The following FHIT variants were observed in gnomAD, a reference collection of about 807,000 sequenced individuals.
The protein encoded by FHIT is fragile histidine triad diadenosine triphosphatase.
A neutral mutation model predicts 17.9 loss-of-function variants in FHIT; 19 were observed. That is an observed-to-expected ratio of 1.06 (90% CI 0.74 to 1.56). The LOEUF (loss-of-function observed/expected upper bound fraction) is 1.56, where lower values mean the gene tolerates loss of function less well. Ranked by LOEUF, FHIT falls within the 40% of genes most tolerant of loss-of-function variation. The pLI is 0.00. For synonymous variants in FHIT, 81 were observed against 69.7 expected (o/e 1.16, Z -0.81); for missense variants, 248 against 189.2 (o/e 1.31, Z -1.82).
intron 5 of FHIT, among the ~76,000 whole-genome samples, chr3:60,440,651 A>G (rs539151993): frequency 6.6e-6 from 1 of 152,224 alleles, no homozygotes; most frequent in African/African-American, 2.4e-5. Flanking sequence ...TCCAAACTAT[A>G]TAACCCAAAG....
chr3:61,001,836 T>C (rs1208601039), intron 3 of FHIT, among the ~76,000 whole-genome samples: 1 of 152,200 alleles, frequency 6.6e-6, no homozygotes, highest in East Asian at 1.9e-4. Flanking sequence ...TCAATCTAAA[T>C]AAGCTCTATG....
chr3:59,927,490 G>A (rs1404748963), intron 7 of FHIT, among the ~76,000 whole-genome samples: 2 of 147,050 alleles, frequency 1.4e-5, no homozygotes, highest in South Asian at 2.2e-4. Context: ...ACTGAAGGCC[G>A]GGTGCTGTGG....
chr3:60,790,172 T>C (rs1700725188), intron 4 of FHIT, among the ~76,000 whole-genome samples: 1 of 152,184 alleles, frequency 6.6e-6, no homozygotes, highest in South Asian at 2.1e-4. Context: ...TTATTAATAT[T>C]TTGTATTCAT....
At chr3:60,734,284 T>C (rs781955838) in intron 4 of FHIT, among the ~76,000 whole-genome samples, 50 of 152,318 alleles carry the variant, frequency 3.3e-4, no homozygotes, top group Middle Eastern at 6.8e-3. Flanking sequence ...TATTAAGAAA[T>C]AGAGTTGGCA....
chr3:59,830,359 G>A (rs1427093238), intron 8 of FHIT, among the ~76,000 whole-genome samples: 1 of 152,150 alleles, frequency 6.6e-6, no homozygotes, highest in African/African-American at 2.4e-5. Flanking sequence ...TGGGATAAAA[G>A]CCAGGAATAA....
intron 3 of FHIT, among the ~76,000 whole-genome samples, chr3:60,951,852 C>G (rs1168761329): frequency 6.6e-6 from 1 of 152,054 alleles, no homozygotes; most frequent in African/African-American, 2.4e-5. Flanking sequence ...GGAAAGGTCT[C>G]TTTGAGTGGG....
chr3:60,812,516 TA>T (rs1309352565), intron 4 of FHIT, among the ~76,000 whole-genome samples: 1 of 152,160 alleles, frequency 6.6e-6, no homozygotes, highest in African/African-American at 2.4e-5. Context: ...TAATAATTTA[TA>T]CTTCAGGGTA....
At chr3:60,223,953 G>A (rs7619137) in intron 5 of FHIT, among the ~76,000 whole-genome samples, 5,173 of 152,156 alleles carry the variant, frequency 0.034, 266 homozygotes, top group African/African-American at 0.11. Flanking sequence ...CTTGGTCGTG[G>A]TGCTTGATCC....
intron 4 of FHIT, among the ~76,000 whole-genome samples, chr3:60,544,600 T>TG (rs1454243614): frequency 6.1e-4 from 90 of 147,812 alleles, no homozygotes; most frequent in African/African-American, 2.2e-3. Flanking sequence ...CAACCTATTT[T>TG]TTTTTTTTTT....
chr3:60,509,833 G>A (rs1235668018), intron 5 of FHIT, among the ~76,000 whole-genome samples: 20 of 152,164 alleles, frequency 1.3e-4, no homozygotes, highest in Non-Finnish European at 8.8e-5. Flanking sequence ...TCTTTCTAAG[G>A]AATAGGAAGA....
At chr3:60,243,061 A>T (rs1705216308) in intron 5 of FHIT, among the ~76,000 whole-genome samples, 1 of 150,622 alleles carries the variant, frequency 6.6e-6, no homozygotes, top group South Asian at 2.1e-4. Context: ...TCAGTCCAAA[A>T]CTAAAAAAAA....
At chr3:59,939,226 C>G (rs1215512505) in intron 7 of FHIT, among the ~76,000 whole-genome samples, 2 of 152,014 alleles carry the variant, frequency 1.3e-5, no homozygotes, top group Admixed American at 1.3e-4. Context: ...GTGATTGAGG[C>G]CCTTGATTTA....
chr3:59,782,085 T>G (rs1209321766), intron 8 of FHIT, among the ~76,000 whole-genome samples: 1 of 152,226 alleles, frequency 6.6e-6, no homozygotes, highest in Non-Finnish European at 1.5e-5. Flanking sequence ...AACAGACCTT[T>G]GAAGTTGACT....
chr3:60,052,432 G>A (rs1409297504), intron 5 of FHIT, among the ~76,000 whole-genome samples: 1 of 152,124 alleles, frequency 6.6e-6, no homozygotes, highest in Non-Finnish European at 1.5e-5. Flanking sequence ...CATTCTGAGG[G>A]CTGCCCGATT....
intron 8 of FHIT, among the ~76,000 whole-genome samples, chr3:59,791,207 G>C (rs1699542003): frequency 6.6e-6 from 1 of 152,106 alleles, no homozygotes; most frequent in Non-Finnish European, 1.5e-5. Context: ...TCCAGATCTG[G>C]CCTCTCAGGG....
At chr3:59,767,296 C>G (rs554505724) in intron 8 of FHIT, among the ~76,000 whole-genome samples, 3 of 152,080 alleles carry the variant, frequency 2.0e-5, no homozygotes, top group Non-Finnish European at 2.9e-5. Flanking sequence ...GTCAGGAGTT[C>G]GAGACCAGCC....
chr3:61,136,154 T>G (rs1261865303), intron 2 of FHIT, among the ~76,000 whole-genome samples: 2 of 151,786 alleles, frequency 1.3e-5, no homozygotes, highest in Non-Finnish European at 2.9e-5. Context: ...ATATCCCATA[T>G]CCCCAGACAC....
At chr3:59,803,601 C>T (rs567143190) in intron 8 of FHIT, among the ~76,000 whole-genome samples, 4 of 152,294 alleles carry the variant, frequency 2.6e-5, no homozygotes, top group South Asian at 2.1e-4. Context: ...ACCTGCATCT[C>T]GCTCCTCACT....
intron 5 of FHIT, among the ~76,000 whole-genome samples, chr3:60,304,445 T>C (rs1341127249): frequency 6.6e-6 from 1 of 151,962 alleles, no homozygotes; most frequent in African/African-American, 2.4e-5. Flanking sequence ...GGAAACACTC[T>C]ATGAGCTTTA....
Sources: gnomAD v4.1 joint callset for allele counts (sites outside exome capture counted in the v4.1 genomes callset) on GRCh38, gnomAD v4.1.1 for gene constraint, MANE v1.5 for transcripts, NCBI Gene and HGNC (gene_info 2026-07-23, HGNC 2026-07-21) for gene names.